Variants in ARHGAP24 observed in about 807,000 individuals in gnomAD.
ARHGAP24 encodes rho GTPase-activating protein 24.
In ARHGAP24, 50 loss-of-function variants were observed where a neutral mutation model predicts 76.4. That is an observed-to-expected ratio of 0.65 (90% CI 0.52 to 0.83). The LOEUF is 0.83. Ranked by LOEUF, ARHGAP24 falls within the 40% of genes least tolerant of loss-of-function variation. ARHGAP24 has a pLI of 0.00. For missense variants in ARHGAP24, 930 were observed against 914.2 expected (o/e 1.02, Z -0.22); for synonymous variants, 345 against 323.3 (o/e 1.07, Z -0.72).
chr4:85,971,305 C>T (rs1738964162), intron 5 of ARHGAP24, among the ~76,000 whole-genome samples: 1 of 152,168 alleles, frequency 6.6e-6, no homozygotes, highest in African/African-American at 2.4e-5. Flanking sequence ...TGAATACACA[C>T]ATATACCCAT....
chr4:85,616,426 T>G (rs2109999896), intron 2 of ARHGAP24, among the ~76,000 whole-genome samples: 1 of 152,354 alleles, frequency 6.6e-6, no homozygotes, highest in South Asian at 2.1e-4. Flanking sequence ...ATGACTCTCT[T>G]ATTTATAATA....
intron 1 of ARHGAP24, among the ~76,000 whole-genome samples, chr4:85,557,123 G>A (rs1401300737): frequency 3.3e-5 from 5 of 152,234 alleles, no homozygotes; most frequent in African/African-American, 1.2e-4. Flanking sequence ...CTCTGTCCCA[G>A]GGAATTGCAG....
At chr4:85,956,959 A>G (rs755306851) in intron 5 of ARHGAP24, among the ~76,000 whole-genome samples, 3 of 152,210 alleles carry the variant, frequency 2.0e-5, no homozygotes, top group Non-Finnish European at 4.4e-5. Context: ...GCCTGGGTTT[A>G]TATCCCGATC....
chr4:85,707,481 ATTCT>A (rs1724361529), intron 2 of ARHGAP24, among the ~76,000 whole-genome samples: 1 of 152,124 alleles, frequency 6.6e-6, no homozygotes, highest in African/African-American at 2.4e-5. Flanking sequence ...TGCTCCATTG[ATTCT>A]TTGGTGGTTA....
intron 3 of ARHGAP24, among the ~76,000 whole-genome samples, chr4:85,902,342 T>C (rs1734543642): frequency 6.6e-6 from 1 of 152,186 alleles, no homozygotes; most frequent in Admixed American, 6.5e-5. Flanking sequence ...TACAGATCTA[T>C]GGCATTTAGA....
intron 3 of ARHGAP24, among the ~76,000 whole-genome samples, chr4:85,727,796 T>C (rs1725225623): frequency 6.6e-6 from 1 of 152,092 alleles, no homozygotes; most frequent in Non-Finnish European, 1.5e-5. Context: ...ATTGTCAATA[T>C]TCCAGACCCT....
At chr4:85,547,674 A>G (rs1725970685) in intron 1 of ARHGAP24, among the ~76,000 whole-genome samples, 1 of 152,094 alleles carries the variant, frequency 6.6e-6, no homozygotes, top group African/African-American at 2.4e-5. Flanking sequence ...GAGCTCAAGC[A>G]ATCCGCCCAC....
chr4:85,994,440 C>A, intron 8 of ARHGAP24, 143 bp from the exon 9 acceptor site: 1 of 845,756 alleles, frequency 1.2e-6, no homozygotes, highest in Non-Finnish European at 2.0e-6. Context: ...GCTTCTATTG[C>A]TATTATCATA....
At chr4:85,978,022 G>C (rs964071373) in intron 8 of ARHGAP24, among the ~76,000 whole-genome samples, 1 of 152,070 alleles carries the variant, frequency 6.6e-6, no homozygotes, top group Non-Finnish European at 1.5e-5. Flanking sequence ...AATTCAAAAA[G>C]TTATTATTTT....
chr4:85,744,791 T>C (rs1364886698), intron 3 of ARHGAP24, among the ~76,000 whole-genome samples: 1 of 152,264 alleles, frequency 6.6e-6, no homozygotes, highest in Non-Finnish European at 1.5e-5. Context: ...TGCTGCTTTT[T>C]AAAATGGTTA....
chr4:85,745,514 C>G (rs548624256), intron 3 of ARHGAP24, among the ~76,000 whole-genome samples: 10 of 149,124 alleles, frequency 6.7e-5, no homozygotes, highest in African/African-American at 2.0e-4. Context: ...TCCCTTCACT[C>G]CAGGAGTTCA....
intron 1 of ARHGAP24, among the ~76,000 whole-genome samples, chr4:85,487,602 A>C (rs1312010080): frequency 9.5e-6 from 1 of 105,270 alleles, no homozygotes; most frequent in Non-Finnish European, 1.7e-5. Context: ...ATATATATTT[A>C]TTATATTATA....
intron 1 of ARHGAP24, among the ~76,000 whole-genome samples, chr4:85,522,143 G>T (rs1404637534): frequency 6.6e-6 from 1 of 152,092 alleles, no homozygotes; most frequent in Non-Finnish European, 1.5e-5. Context: ...ATAGAAAAAT[G>T]CAAGTCCATC....
At chr4:85,989,146 C>T (rs1740174887) in intron 8 of ARHGAP24, among the ~76,000 whole-genome samples, 1 of 151,528 alleles carries the variant, frequency 6.6e-6, no homozygotes, top group Non-Finnish European at 1.5e-5. Flanking sequence ...TGATAAAACT[C>T]ATCGTACTGA....
At chr4:85,562,520 G>T (rs1459015063) in intron 1 of ARHGAP24, among the ~76,000 whole-genome samples, 1 of 139,450 alleles carries the variant, frequency 7.2e-6, no homozygotes, top group Non-Finnish European at 1.6e-5. Flanking sequence ...ACACAGGGTA[G>T]AACATGGAGA....
At chr4:85,922,302 T>A (rs1735767236) in intron 3 of ARHGAP24, among the ~76,000 whole-genome samples, 1 of 152,224 alleles carries the variant, frequency 6.6e-6, no homozygotes, top group Admixed American at 6.5e-5. Context: ...TCATATAGAA[T>A]TCAGAGGTCA....
chr4:85,735,700 A>G (rs1268365085), intron 3 of ARHGAP24, among the ~76,000 whole-genome samples: 1 of 152,100 alleles, frequency 6.6e-6, no homozygotes, highest in Non-Finnish European at 1.5e-5. Context: ...GAGCACTGCA[A>G]TATTCTACTA....
At chr4:85,783,685 G>T (rs955211624) in intron 3 of ARHGAP24, among the ~76,000 whole-genome samples, 1 of 152,038 alleles carries the variant, frequency 6.6e-6, no homozygotes, top group Non-Finnish European at 1.5e-5. Context: ...GGAGTGGAAG[G>T]GTTCTCATAC....
At chr4:85,511,821 G>A (rs1724297668) in intron 1 of ARHGAP24, among the ~76,000 whole-genome samples, 1 of 152,180 alleles carries the variant, frequency 6.6e-6, no homozygotes, top group South Asian at 2.1e-4. Flanking sequence ...AGTGTCAGGA[G>A]GGCCACGCTC....
Sources: gnomAD v4.1 joint callset for allele counts (sites outside exome capture counted in the v4.1 genomes callset) on GRCh38, gnomAD v4.1.1 for gene constraint, MANE v1.5 for transcripts, NCBI Gene and HGNC (gene_info 2026-07-23, HGNC 2026-07-21) for gene names.